Variants in DIS3L2 observed in about 807,000 individuals in gnomAD.
DIS3L2 encodes the protein DIS3-like exonuclease 2.
A neutral mutation model predicts 97.5 loss-of-function variants in DIS3L2; 34 were observed. That is an observed-to-expected ratio of 0.35 (90% CI 0.27 to 0.46). The LOEUF (loss-of-function observed/expected upper bound fraction) is 0.46. DIS3L2 is among the 20% of genes least tolerant of loss of function. DIS3L2 has a pLI of 1.00. For synonymous variants in DIS3L2, 435 were observed against 445.2 expected (o/e 0.98, Z 0.29); for missense variants, 1,038 against 1,146.0 (o/e 0.91, Z 1.36).
chr2:232,116,134 T>C (rs1697698618), intron 6 of DIS3L2, among the ~76,000 whole-genome samples: 1 of 151,798 alleles, frequency 6.6e-6, no homozygotes, highest in Non-Finnish European at 1.5e-5. Flanking sequence ...ATTGCACCAT[T>C]GCACTCCAGC....
chr2:232,087,473 T>C lies in DIS3L2; in HGVS notation c.367-14T>C. ...TCTCTCAGTGATTTAGCAGAATTTT[T>C]CTGTTTTCTTTAGGTAGTTAAACCA... On this transcript the variant is annotated splice_polypyrimidine_tract_variant and intron_variant, in intron 5 of 20. Transcript: ENST00000325385. 1 of 1,580,586 alleles carries C rather than the reference T, an allele frequency of 6.3e-7. No individual in the cohort carries two copies. The highest frequency in any genetic ancestry group is 1.7e-4 in the Middle Eastern group (1 of 5,898).
intron 6 of DIS3L2, among the ~76,000 whole-genome samples, chr2:232,100,187 C>G (rs991634875): frequency 1.5e-5 from 2 of 132,178 alleles, no homozygotes; most frequent in African/African-American, 2.9e-5. Context: ...CCATGCCCTG[C>G]TAATATTTTT....
intron 7 of DIS3L2, among the ~76,000 whole-genome samples, chr2:232,135,195 T>G (rs952747199): frequency 9.9e-5 from 15 of 152,224 alleles, no homozygotes; most frequent in African/African-American, 3.4e-4. Context: ...GTTACTCACC[T>G]GGATGGACGT....
intron 9 of DIS3L2, among the ~76,000 whole-genome samples, chr2:232,171,170 G>A (rs568118957): frequency 1.3e-5 from 2 of 152,268 alleles, no homozygotes; most frequent in South Asian, 4.1e-4. Context: ...TTGTGAAATG[G>A]ATTTTTGACC....
chr2:232,246,080 CTG>C (rs1693239723), intron 11 of DIS3L2, among the ~76,000 whole-genome samples: 1 of 152,178 alleles, frequency 6.6e-6, no homozygotes, highest in Admixed American at 6.5e-5. Flanking sequence ...GTTTCAGTGT[CTG>C]TGGCACTCAA....
intron 5 of DIS3L2, among the ~76,000 whole-genome samples, chr2:232,082,824 T>A (rs1157428301): frequency 6.6e-6 from 1 of 152,236 alleles, no homozygotes; most frequent in Non-Finnish European, 1.5e-5. Context: ...TCTTCTGTAT[T>A]AGTCCATTTT....
intron 14 of DIS3L2, 35 bp downstream of exon 14, chr2:232,300,154 A>G: frequency 1.9e-6 from 3 of 1,599,862 alleles, no homozygotes; most frequent in East Asian, 2.2e-5. Flanking sequence ...GTCACTTCAC[A>G]TGTGTGCAGC....
chr2:232,292,214 A>T lies in DIS3L2; in HGVS notation c.1660-7826A>T, dbSNP rs776141367. 1.3e-5 allele frequency among the ~76,000 whole-genome samples: 2 copies of T among 152,172 alleles called. No individual in the cohort carries two copies. The highest frequency in any genetic ancestry group is 2.4e-5 in the African/African-American group (1 of 41,440). ...AGGTCACATATCTTTTAATAGTTAC[A>T]TTAAAAGACTCAGTGGACACCCCTC... On this transcript the variant is annotated intron_variant, in intron 13 of 20. Transcript: ENST00000325385. The surrounding 1 kb of genome is among the most constrained non-coding windows in gnomAD (Gnocchi z 4.4).
intron 10 of DIS3L2, among the ~76,000 whole-genome samples, chr2:232,217,096 C>T (rs905997189): frequency 8.5e-5 from 13 of 152,286 alleles, no homozygotes; most frequent in African/African-American, 2.6e-4. Context: ...CTGCCTTGGC[C>T]TCCCAAAGTG....
intron 10 of DIS3L2, among the ~76,000 whole-genome samples, chr2:232,227,486 C>CT (rs1692680747): frequency 6.6e-6 from 1 of 152,116 alleles, no homozygotes; most frequent in Non-Finnish European, 1.5e-5. Flanking sequence ...GTCAATATGC[C>CT]GTTATTATGA....
rs752596889 is a variant in DIS3L2 at position 232,024,267 on chromosome 2, TG to T, written c.211-9del. 30 of 1,575,204 alleles carry T rather than the reference TG, an allele frequency of 1.9e-5. No individual in the cohort carries two copies. Among genetic ancestry groups the T allele is most frequent in the Non-Finnish European group, 2.6e-5 (30 of 1,160,984 alleles). ...CTAGATTTTCACAAACTTTATTTTT[TG>T]TTTTAAAGGGTGTATTGAGAATTAA... is the stretch of plus-strand genomic sequence containing the variant. On this transcript the variant is annotated splice_polypyrimidine_tract_variant and intron_variant, in intron 3 of 20. Transcript: ENST00000325385.
intron 14 of DIS3L2, 111 bp from the exon 15 acceptor site, chr2:232,329,702 C>A: frequency 8.8e-7 from 1 of 1,141,264 alleles, no homozygotes; most frequent in Non-Finnish European, 1.2e-6. Flanking sequence ...TGTCTTTAAG[C>A]TGAGACCTGA....
intron 12 of DIS3L2, among the ~76,000 whole-genome samples, chr2:232,258,736 G>T (rs1323018727): frequency 6.6e-6 from 1 of 152,000 alleles, no homozygotes; most frequent in Non-Finnish European, 1.5e-5. Context: ...ACTGGCTTTG[G>T]TTATGCACTG....
intron 13 of DIS3L2, among the ~76,000 whole-genome samples, chr2:232,272,373 A>T (rs908673915): frequency 4.6e-5 from 7 of 152,318 alleles, no homozygotes; most frequent in Admixed American, 4.6e-4. Flanking sequence ...AAACACCAAT[A>T]AGATAAAAGC....
Position 232,290,718 on chromosome 2 carries a change from C to T in DIS3L2, c.1660-9322C>T, listed in dbSNP as rs557349474. The stretch of plus-strand genomic sequence containing the variant: ...CAAGCCTCTGGAACAAGGTGCAGCG[C>T]AGTCAGGAGAAGTGGCTTTAAGTGA... On this transcript the variant is annotated intron_variant, in intron 13 of 20. Transcript: ENST00000325385. Among the ~76,000 whole-genome samples, 131 of 152,330 alleles carry T rather than the reference C, an allele frequency of 8.6e-4. 1 individual carries two copies. The highest frequency in any genetic ancestry group is 3.0e-3 in the African/African-American group (123 of 41,572).
At chr2:232,028,361 C>G (rs1220077451) in intron 4 of DIS3L2, among the ~76,000 whole-genome samples, 1 of 152,088 alleles carries the variant, frequency 6.6e-6, no homozygotes, top group Non-Finnish European at 1.5e-5. Context: ...TTGAGCAGTT[C>G]CCAAGCTTAG....
chr2:232,161,291 G>A (rs1390344050), intron 8 of DIS3L2, among the ~76,000 whole-genome samples: 1 of 151,956 alleles, frequency 6.6e-6, no homozygotes, highest in Non-Finnish European at 1.5e-5. Context: ...AATCTAATTT[G>A]TTCTTCAGTT....
chr2:232,050,303 G>T (rs575842404), intron 5 of DIS3L2, among the ~76,000 whole-genome samples: 1 of 151,940 alleles, frequency 6.6e-6, no homozygotes, highest in Admixed American at 6.6e-5. Flanking sequence ...ACGGAGTCTC[G>T]CTCTGTCGCC....
intron 13 of DIS3L2, among the ~76,000 whole-genome samples, chr2:232,280,360 C>T (rs1211551524): frequency 6.6e-6 from 1 of 152,146 alleles, no homozygotes; most frequent in African/African-American, 2.4e-5. Context: ...AAGATTGTAT[C>T]ATTTGAAAAG....
Sources: gnomAD v4.1 joint callset for allele counts (sites outside exome capture counted in the v4.1 genomes callset) on GRCh38, gnomAD v4.1.1 for gene constraint, Gnocchi (gnomAD v3.1) non-coding constraint, MANE v1.5 for transcripts, NCBI Gene and HGNC (gene_info 2026-07-23, HGNC 2026-07-21) for gene names.